FBN1: variants seen among roughly 807,000 people sequenced by gnomAD.
The protein encoded by FBN1 is fibrillin 1, also known as fibrillin-1.
Under a neutral mutation model 365.1 loss-of-function variants are expected in FBN1, and 29 were observed. The observed-to-expected ratio is 0.08, with a 90% CI of 0.06 to 0.11. The LOEUF (loss-of-function observed/expected upper bound fraction) is 0.11. Among genes scored for constraint, FBN1 ranks in the 10% least tolerant of loss-of-function variants. FBN1 has a pLI of 1.00. For synonymous variants in FBN1, 1,210 were observed against 1,270.5 expected, an observed-to-expected ratio of 0.95 and a Z score of 1.01; for missense variants, 2,476 against 3,703.2, an observed-to-expected ratio of 0.67 and a Z score of 8.60.
intron 6 of FBN1, among the ~76,000 whole-genome samples, chr15:48,580,995 T>C (rs1156551903): frequency 6.6e-6 from 1 of 152,170 alleles, no homozygotes; most frequent in African/African-American, 2.4e-5. Context: ...CTTGCTGTCA[T>C]TGAGTAACTG....
chr15:48,571,341 A>G (rs1160736097), intron 6 of FBN1, among the ~76,000 whole-genome samples: 1 of 152,236 alleles, frequency 6.6e-6, no homozygotes, highest in Non-Finnish European at 1.5e-5. Context: ...AATTAGATTA[A>G]AGCATCAAAT....
At chr15:48,577,332 T>A (rs2044356446) in intron 6 of FBN1, among the ~76,000 whole-genome samples, 1 of 152,206 alleles carries the variant, frequency 6.6e-6, no homozygotes, top group South Asian at 2.1e-4. Flanking sequence ...AATTCCCCCA[T>A]GATAAAGGCA....
At chr15:48,527,853 T>G (rs1420995193) in intron 8 of FBN1, among the ~76,000 whole-genome samples, 4 of 152,246 alleles carry the variant, frequency 2.6e-5, no homozygotes, top group Non-Finnish European at 4.4e-5. Context: ...TATTCTATTC[T>G]GACAGATAGA....
intron 6 of FBN1, among the ~76,000 whole-genome samples, chr15:48,556,435 G>A (rs369301930): frequency 3.3e-5 from 5 of 152,212 alleles, no homozygotes; most frequent in African/African-American, 1.2e-4. Context: ...CCTTTTTGAT[G>A]AGTTAAGTAC....
intron 44 of FBN1, among the ~76,000 whole-genome samples, chr15:48,456,123 A>C (rs535804964): frequency 6.6e-6 from 1 of 152,376 alleles, no homozygotes; most frequent in East Asian, 1.9e-4. Context: ...AGGTAATTTG[A>C]AAATGAAAAA....
At chr15:48,582,025 A>T (rs1166726162) in intron 6 of FBN1, among the ~76,000 whole-genome samples, 1 of 152,198 alleles carries the variant, frequency 6.6e-6, no homozygotes, top group Non-Finnish European at 1.5e-5. Flanking sequence ...GGATGACATA[A>T]ATGTGGCATC....
chr15:48,510,011 A>C, intron 14 of FBN1, 33 bp downstream of exon 14: 1 of 1,611,182 alleles, frequency 6.2e-7, no homozygotes. Flanking sequence ...CTGCAATGGA[A>C]GGAGAGGACT....
chr15:48,566,181 C>T (rs930149758), intron 6 of FBN1, among the ~76,000 whole-genome samples: 10 of 152,152 alleles, frequency 6.6e-5, no homozygotes, highest in African/African-American at 2.4e-4. Context: ...GAGGATACAG[C>T]CCCTGGAGGT....
chr15:48,445,607 G>C, intron 47 of FBN1, 103 bp from the exon 48 acceptor site: 1 of 1,352,824 alleles, frequency 7.4e-7, no homozygotes, highest in Non-Finnish European at 1.0e-6. Context: ...CTGAATTTTA[G>C]TGGCCTTTGC....
intron 31 of FBN1, among the ~76,000 whole-genome samples, chr15:48,482,409 T>C (rs971466391): frequency 1.3e-5 from 2 of 152,060 alleles, no homozygotes; most frequent in African/African-American, 4.8e-5. Context: ...AAATAGACAA[T>C]AGATACCTTA....
At chr15:48,534,820 G>A (rs79128324) in intron 7 of FBN1, among the ~76,000 whole-genome samples, 4,482 of 152,238 alleles carry the variant, frequency 0.029, 224 homozygotes, top group African/African-American at 0.1. Flanking sequence ...GAGAGAGATT[G>A]TTAGGTGAGT....
chr15:48,557,149 G>C (rs1311794562), intron 6 of FBN1, among the ~76,000 whole-genome samples: 2 of 152,152 alleles, frequency 1.3e-5, no homozygotes, highest in African/African-American at 4.8e-5. Context: ...AAAGCACTTA[G>C]AACCCAAATC....
intron 10 of FBN1, among the ~76,000 whole-genome samples, chr15:48,518,553 A>C (rs1168472762): frequency 6.6e-6 from 1 of 152,248 alleles, no homozygotes; most frequent in Non-Finnish European, 1.5e-5. Flanking sequence ...TTTTACTTTA[A>C]GAATGCCATT....
intron 17 of FBN1, among the ~76,000 whole-genome samples, chr15:48,500,751 C>G (rs1277315878): frequency 6.6e-6 from 1 of 152,054 alleles, no homozygotes; most frequent in African/African-American, 2.4e-5. Context: ...TGATCCATGT[C>G]TGTGAAATGT....
chr15:48,576,802 A>G (rs1487784213), intron 6 of FBN1, among the ~76,000 whole-genome samples: 2 of 152,158 alleles, frequency 1.3e-5, no homozygotes, highest in Non-Finnish European at 2.9e-5. Flanking sequence ...AATGTCATGG[A>G]AGAACTAGGT....
At chr15:48,455,141 G>A (rs2043229369) in intron 44 of FBN1, among the ~76,000 whole-genome samples, 1 of 152,212 alleles carries the variant, frequency 6.6e-6, no homozygotes. Context: ...AGTATGCTAG[G>A]AAGCAGCTGA....
chr15:48,495,390 ATTCTT>A (rs1271514199), intron 21 of FBN1, 74 bp downstream of exon 21: 22 of 1,594,560 alleles, frequency 1.4e-5, no homozygotes, highest in Non-Finnish European at 1.8e-5. Flanking sequence ...CCATACTTAA[ATTCTT>A]TTGCAGGAAA....
Position 48,448,779 on chromosome 15 carries a change from G to A in FBN1, c.5660C>T (p.Thr1887Ile), listed in dbSNP as rs2043178514. Residue 1887 changes from threonine (T) to isoleucine (I), a missense_variant, in exon 46 of 66, where the codon ACC becomes ATC. Transcript: ENST00000316623. ...HTGFKTNDDQ[T>I]MCLDINECER... ...AATTGCATACTTACCCAAGCACATG[G>A]TTTGGTCATCATTTGTTTTAAAACC... 1 of 1,612,602 alleles carries A rather than the reference G, an allele frequency of 6.2e-7. No individual in the cohort carries two copies. The highest frequency in any genetic ancestry group is 1.7e-5 in the Admixed American group (1 of 59,956).
At chr15:48,411,497 C>A in intron 65 of FBN1, 118 bp from the exon 66 acceptor site, 1 of 887,888 alleles carries the variant, frequency 1.1e-6, no homozygotes, top group South Asian at 1.4e-5. Flanking sequence ...ATGCTGCATA[C>A]ACAATATTGA....
Sources: allele counts gnomAD v4.1 joint callset (sites outside exome capture counted in the v4.1 genomes callset), GRCh38; gene constraint gnomAD v4.1.1; transcripts MANE v1.5; gene names NCBI Gene and HGNC (gene_info 2026-07-23, HGNC 2026-07-21).